FCRL5: variants seen among roughly 807,000 people sequenced by gnomAD.
The protein encoded by FCRL5 is Fc receptor-like protein 5.
FCRL5 carries 79 observed loss-of-function variants against 92.1 expected under a neutral mutation model. That is an observed-to-expected ratio of 0.86 (90% CI 0.72 to 1.03). The LOEUF (loss-of-function observed/expected upper bound fraction) is 1.03, where lower values mean the gene tolerates loss of function less well. FCRL5 is among the 50% of genes least tolerant of loss of function. The probability of loss-of-function intolerance (pLI) is 0.00; values close to 1 mark genes in which losing one functional copy is unlikely to be tolerated. For missense variants in FCRL5, 1,160 were observed against 1,181.1 expected (o/e 0.98, Z 0.26); for synonymous variants, 466 against 469.3 (o/e 0.99, Z 0.09).
chr1:157,515,428 TG>T lies in FCRL5; in HGVS notation c.*246del. 1.6e-6 allele frequency: 1 copy of T among 624,792 alleles called. No homozygotes were observed. The highest frequency in any genetic ancestry group is 2.7e-6 in the Non-Finnish European group (1 of 372,220). 38.7% of individuals were successfully genotyped at this position (624,792 alleles called of 1,614,324 possible). ...CCACTAAGGAATCCAGGAGATGTGC[TG>T]GGCCCTGGAGTGGGAGCACCTTGCC... On this transcript the variant is annotated 3_prime_UTR_variant, in exon 17 of 17. Coordinates refer to ENST00000361835, the MANE Select transcript of FCRL5 (RefSeq NM_031281.3).
chr1:157,532,421 T>G (rs564842775), intron 8 of FCRL5: 2 of 152,324 alleles, frequency 1.3e-5, no homozygotes, highest in African/African-American at 4.8e-5. Flanking sequence ...CTATTACTAA[T>G]TTTTTAAAAC....
chr1:157,520,539 C>A lies in FCRL5; in HGVS notation c.2524G>T (p.Ala842Ser), dbSNP rs771606459. ...GTGGCAAAAGGGCCACTTCTGTTCG[C>A]GGTCAGCCCTGAGGGGGAGACCCTG... ...TVTLYITGLT[A>S]NRSGPFATGV... The change falls in exon 12 of 17, where the codon GCG becomes TCG. Residue 842 changes from alanine to serine, a missense_variant. Coordinates refer to ENST00000361835, the MANE Select transcript of FCRL5 (RefSeq NM_031281.3). The A allele has an allele frequency of 1.3e-6, 2 of 1,584,112 alleles. No homozygotes were observed. The highest frequency in any genetic ancestry group is 1.3e-5 in the African/African-American group (1 of 74,200).
At position 157,515,531 on chromosome 1, in the gene FCRL5, C is replaced by T. The variant is rs1209311141; in HGVS notation, c.*144G>A. On this transcript the variant is annotated 3_prime_UTR_variant, in exon 17 of 17. Coordinates refer to ENST00000361835, the MANE Select transcript of FCRL5 (RefSeq NM_031281.3). Reference sequence around the variant, plus strand: ...GTCCAGCAGGGCCCTGCATTCTGGTCAGACTGAGAATGAGGACATGTGAAA... The same window carrying T: ...GTCCAGCAGGGCCCTGCATTCTGGTTAGACTGAGAATGAGGACATGTGAAA... 1.8e-5 allele frequency: 28 copies of T among 1,560,374 alleles called. No individual in the cohort carries two copies. The highest frequency in any genetic ancestry group is 3.4e-5 in the Admixed American group (2 of 58,944).
In FCRL5 at chr1:157,534,754, A is replaced by G. The variant is rs371796710; in HGVS notation, c.1541T>C (p.Leu514Pro). 2 of 1,614,024 alleles carry G rather than the reference A, an allele frequency of 1.2e-6. No individual in the cohort carries two copies. The highest frequency in any genetic ancestry group is 2.7e-5 in the African/African-American group (2 of 74,920). The change falls in exon 8 of 17, where the codon CTG (leucine) becomes CCG (proline). Residue 514 changes from leucine (L) to proline (P), a missense_variant. Physicochemically the swap from Leu to Pro is moderately conservative, Grantham distance 98 (BLOSUM62 -3). Transcript: ENST00000361835. The stretch of plus-strand genomic sequence containing the variant: ...CACAGAGGGTGTTGAGCTGCTCCAC[A>G]GGGGCATGTCCTCATGATAAAACTG... ...LYQFYHEDMP[L>P]WSSSTPSVGR...
intron 8 of FCRL5, among the ~76,000 whole-genome samples, chr1:157,529,790 T>C (rs1021772872): frequency 6.6e-6 from 1 of 152,178 alleles, no homozygotes; most frequent in African/African-American, 2.4e-5. Context: ...CTAAGCATAA[T>C]ATAATAGATT....
chr1:157,527,992 G>C, intron 8 of FCRL5, 97 bp from the exon 9 acceptor site: 1 of 1,348,826 alleles, frequency 7.4e-7, no homozygotes, highest in Admixed American at 2.4e-5. Context: ...AGAAATAAAG[G>C]ACATCCAAAT....
At chr1:157,520,978 AT>A (rs1558127113) in intron 11 of FCRL5, 38 bp downstream of exon 11, 2 of 1,566,340 alleles carry the variant, frequency 1.3e-6, no homozygotes, top group East Asian at 2.2e-5. Flanking sequence ...CGGAGGAAAC[AT>A]TTTGTCCGCA....
rs1280147611 is a variant in FCRL5 at position 157,515,676 on chromosome 1, C to A, written c.2933G>T (p.Ter978LeuextTer66). Reference protein sequence around the residue: ...LFLASSAPHR* With the variant: ...LFLASSAPHRL Reference sequence around the variant, plus strand: ...CAGCAGTTGGAGAGACGTGTGGACTCATCTGTGAGGAGCTGAGGAAGCCAA... The same window carrying A: ...CAGCAGTTGGAGAGACGTGTGGACTAATCTGTGAGGAGCTGAGGAAGCCAA... The change falls in exon 17 of 17, where the codon TGA becomes TTA. Residue 978 changes from the stop codon to leucine, a stop_lost. Transcript: ENST00000361835. 1.9e-6 allele frequency: 3 copies of A among 1,614,170 alleles called. No homozygotes were observed. Among genetic ancestry groups the A allele is most frequent in the Non-Finnish European group, 2.5e-6 (3 of 1,180,032 alleles).
chr1:157,515,074 A>G lies in FCRL5; in HGVS notation c.*601T>C. 6.3e-6 allele frequency: 1 copy of G among 159,968 alleles called. No individual in the cohort carries two copies. Among genetic ancestry groups the G allele is most frequent in the Non-Finnish European group, 1.4e-5 (1 of 71,968 alleles). The allele number at this position is 159,968 out of a possible 1,614,324, so 9.9% of individuals were successfully genotyped here. On this transcript the variant is annotated 3_prime_UTR_variant, in exon 17 of 17. Transcript: ENST00000361835. The stretch of plus-strand genomic sequence containing the variant: ...GACACTGACACATGAGCAGGAGAGA[A>G]GTTACCTTGGTGTCAAGTGCCGACC...
intron 6 of FCRL5, 199 bp downstream of exon 6, chr1:157,542,660 T>G: frequency 6.5e-6 from 4 of 619,818 alleles, no homozygotes; most frequent in African/African-American, 1.8e-5. Flanking sequence ...CAGGCAGGGG[T>G]ATAAGGGCAC....
intron 7 of FCRL5, among the ~76,000 whole-genome samples, chr1:157,538,615 C>A (rs1376669686): frequency 1.3e-5 from 2 of 152,174 alleles, no homozygotes; most frequent in Admixed American, 1.3e-4. Context: ...GCAAGGGAGA[C>A]ATGTTGGGTT....
Position 157,521,085 on chromosome 1 carries a change from T to C in FCRL5, c.2447A>G (p.Asn816Ser). The change falls in exon 11 of 17, where the codon AAC becomes AGC. Residue 816 changes from asparagine (N) to serine (S), a missense_variant. Asn to Ser is a conservative substitution (Grantham distance 46). Transcript: ENST00000361835. ...GCCATTGTCGGCCTCACAGGAGTAG[T>C]TTCCAGAGTGCTCTGCAGTCAGAGA... The part of the protein sequence containing the change: ...NLSLTAEHSG[N>S]YSCEADNGLG... 1 of 1,614,194 alleles carries C rather than the reference T, an allele frequency of 6.2e-7. No homozygotes were observed. Among genetic ancestry groups the C allele is most frequent in the South Asian group, 1.1e-5 (1 of 91,082 alleles).
At chr1:157,522,377 G>A (rs1267732567) in intron 10 of FCRL5, 1 of 152,238 alleles carries the variant, frequency 6.6e-6, no homozygotes, top group Non-Finnish European at 1.5e-5. Flanking sequence ...AGACTAATGT[G>A]AAGAGTTAGA....
intron 7 of FCRL5, among the ~76,000 whole-genome samples, chr1:157,536,967 A>G (rs1356143038): frequency 2.0e-5 from 3 of 152,156 alleles, no homozygotes; most frequent in African/African-American, 7.2e-5. Context: ...TACCCTTGTG[A>G]TTTCCTATGC....
intron 4 of FCRL5, 48 bp from the exon 5 acceptor site, chr1:157,544,594 C>T: frequency 6.3e-7 from 1 of 1,591,442 alleles, no homozygotes; most frequent in South Asian, 1.1e-5. Flanking sequence ...GCTGGAACTG[C>T]TTTGGAGAAA....
In FCRL5 at chr1:157,513,710, T is replaced by TG. The variant is rs1649807915; in HGVS notation, c.*1964dup. On this transcript the variant is annotated 3_prime_UTR_variant, in exon 17 of 17. Transcript: ENST00000361835. The stretch of plus-strand genomic sequence containing the variant: ...CCACTGTGCAGTTATCATTCTGGGA[T>TG]GGGGGTACCTTACTCTCCCAATGAG... 6.6e-6 allele frequency: 1 copy of TG among 152,140 alleles called. No individual in the cohort carries two copies. The highest frequency in any genetic ancestry group is 1.5e-5 in the Non-Finnish European group (1 of 68,032). The allele number at this position is 152,140 out of a possible 1,614,324, so 9.4% of individuals were successfully genotyped here.
chr1:157,539,043 C>T, intron 7 of FCRL5, 43 bp downstream of exon 7: 1 of 1,596,226 alleles, frequency 6.3e-7, no homozygotes, highest in Non-Finnish European at 8.5e-7. Flanking sequence ...TAAGAGAGGA[C>T]TCTTGGCCAG....
chr1:157,533,734 C>T (rs1357742068), intron 8 of FCRL5: 1 of 152,332 alleles, frequency 6.6e-6, no homozygotes, highest in Non-Finnish European at 1.5e-5. Context: ...GAAAGTAAAA[C>T]ATGGATAAAA....
intron 15 of FCRL5, among the ~76,000 whole-genome samples, chr1:157,516,388 CA>C (rs1649934856): frequency 6.6e-6 from 1 of 152,182 alleles, no homozygotes; most frequent in African/African-American, 2.4e-5. Context: ...TATGAGTTTA[CA>C]CATATGTGTG....
Sources: allele counts gnomAD v4.1 joint callset (sites outside exome capture counted in the v4.1 genomes callset), GRCh38; gene constraint gnomAD v4.1.1; transcripts MANE v1.5; gene names NCBI Gene and HGNC (gene_info 2026-07-23, HGNC 2026-07-21).